The following FHOD3 variants were observed in gnomAD, a reference collection of about 807,000 sequenced individuals.
The protein encoded by FHOD3 is FH1/FH2 domain-containing protein 3.
In FHOD3, 90 loss-of-function variants were observed where a neutral mutation model predicts 173.0. The observed-to-expected ratio is 0.52, with a 90% confidence interval of 0.44 to 0.62. The LOEUF (loss-of-function observed/expected upper bound fraction) is 0.62, where lower values mean the gene tolerates loss of function less well. FHOD3 is among the 20% of genes least tolerant of loss of function. FHOD3 has a pLI of 0.00. For missense variants in FHOD3, 1,945 were observed against 2,034.7 expected (o/e 0.96, Z 0.85); for synonymous variants, 828 against 823.0 (o/e 1.01, Z -0.10).
chr18:36,494,507 G>A lies in FHOD3; in HGVS notation c.338-7425G>A, dbSNP rs368912715. 1.3e-3 allele frequency among the ~76,000 whole-genome samples: 200 copies of A among 152,294 alleles called. 1 individual carries two copies. The highest frequency in any genetic ancestry group is 4.6e-3 in the African/African-American group (191 of 41,562). On this transcript the variant is annotated intron_variant, in intron 3 of 28. Transcript: ENST00000590592. The stretch of plus-strand genomic sequence containing the variant: ...TGCTACCCAAATGAGTATACCCCAG[G>A]CAGATTTAATTTGGAAGCGGTGGGA...
intron 27 of FHOD3, among the ~76,000 whole-genome samples, chr18:36,762,268 T>C (rs1482266642): frequency 1.3e-5 from 2 of 152,206 alleles, no homozygotes; most frequent in East Asian, 3.8e-4. Flanking sequence ...ATGTGGCTGA[T>C]TGTAGTTTCC....
At chr18:36,394,480 G>A (rs1010235352) in intron 3 of FHOD3, among the ~76,000 whole-genome samples, 6 of 152,152 alleles carry the variant, frequency 3.9e-5, no homozygotes, top group African/African-American at 1.4e-4. Context: ...ACTAGATGGG[G>A]ACCACCCACC....
intron 2 of FHOD3, among the ~76,000 whole-genome samples, chr18:36,365,247 CAA>C (rs1234878101): frequency 6.6e-6 from 1 of 151,872 alleles, no homozygotes; most frequent in East Asian, 1.9e-4. Flanking sequence ...GCATAAGTGA[CAA>C]GAGAAAAAAA....
At chr18:36,601,131 C>A (rs1193471252) in intron 7 of FHOD3, among the ~76,000 whole-genome samples, 1 of 152,144 alleles carries the variant, frequency 6.6e-6, no homozygotes, top group Non-Finnish European at 1.5e-5. Context: ...GTTTGATGAT[C>A]AATATCAGCA....
At chr18:36,777,198 C>CTTTTTTTTTTTTTTTT (rs11294880) in intron 28 of FHOD3, among the ~76,000 whole-genome samples, 3 of 108,886 alleles carry the variant, frequency 2.8e-5, no homozygotes, top group Non-Finnish European at 5.5e-5. Flanking sequence ...TCTTCTTTTT[C>CTTTTTTTTTTTTTTTT]TTTTTTTTTT....
chr18:36,419,046 TCTAAAAAG>T (rs2049839770), intron 3 of FHOD3, among the ~76,000 whole-genome samples: 1 of 152,084 alleles, frequency 6.6e-6, no homozygotes, highest in Non-Finnish European at 1.5e-5. Flanking sequence ...CGTGTATGGT[TCTAAAAAG>T]AACTTACAAG....
chr18:36,659,074 T>G (rs2036608769), intron 14 of FHOD3, among the ~76,000 whole-genome samples: 1 of 152,150 alleles, frequency 6.6e-6, no homozygotes. Context: ...AATCCCAAAT[T>G]TAAAGCAACC....
At chr18:36,360,852 C>G (rs893657435) in intron 2 of FHOD3, among the ~76,000 whole-genome samples, 1 of 152,142 alleles carries the variant, frequency 6.6e-6, no homozygotes. Context: ...TGATATAATA[C>G]AAAAATTAAC....
In FHOD3 at chr18:36,573,782, G is replaced by A. The variant is rs1599713487; in HGVS notation, c.512-2669G>A. 3.9e-5 allele frequency among the ~76,000 whole-genome samples: 6 copies of A among 152,300 alleles called. No homozygotes were observed. In the East Asian group the frequency reaches 9.6e-4, roughly 24 times the overall value. ...TACGCTGAGTTCTAGGACCATGACA[G>A]GTATTTGTGTTTTAGTTATTATTTT... On this transcript the variant is annotated intron_variant, in intron 5 of 28. Transcript: ENST00000590592.
At chr18:36,423,643 C>T (rs1490666060) in intron 3 of FHOD3, among the ~76,000 whole-genome samples, 1 of 152,016 alleles carries the variant, frequency 6.6e-6, no homozygotes, top group Non-Finnish European at 1.5e-5. Flanking sequence ...AGCATAGTGT[C>T]GAAGCACCAT....
intron 3 of FHOD3, among the ~76,000 whole-genome samples, chr18:36,493,269 C>CA (rs2054564205): frequency 6.9e-6 from 1 of 145,588 alleles, no homozygotes; most frequent in African/African-American, 2.6e-5. Context: ...CAACAAGCTT[C>CA]AAAATCACAG....
intron 3 of FHOD3, among the ~76,000 whole-genome samples, chr18:36,431,655 T>C (rs987807909): frequency 6.6e-6 from 1 of 152,184 alleles, no homozygotes; most frequent in African/African-American, 2.4e-5. Context: ...ACTTGGACAA[T>C]GTACATTTTG....
At chr18:36,370,815 G>T (rs554327639) in intron 2 of FHOD3, among the ~76,000 whole-genome samples, 39 of 152,306 alleles carry the variant, frequency 2.6e-4, no homozygotes, top group African/African-American at 9.4e-4. Flanking sequence ...CTGGCCCCTG[G>T]CAGGGGTTCA....
At chr18:36,353,034 G>A (rs1386056933) in intron 1 of FHOD3, among the ~76,000 whole-genome samples, 1 of 152,192 alleles carries the variant, frequency 6.6e-6, no homozygotes, top group African/African-American at 2.4e-5. Flanking sequence ...CTTCCTGCCT[G>A]CTGCTTCCAT....
chr18:36,560,803 G>A (rs1338586836), intron 5 of FHOD3, among the ~76,000 whole-genome samples: 1 of 144,234 alleles, frequency 6.9e-6, no homozygotes, highest in Admixed American at 6.9e-5. Context: ...CTATAGCTTT[G>A]TGTGTGTGTG....
At chr18:36,676,908 T>G (rs1301882367) in intron 14 of FHOD3, among the ~76,000 whole-genome samples, 1 of 152,214 alleles carries the variant, frequency 6.6e-6, no homozygotes, top group African/African-American at 2.4e-5. Flanking sequence ...ACTAATCCTT[T>G]GTAGTTTATA....
At chr18:36,590,129 C>T (rs540623855) in intron 6 of FHOD3, among the ~76,000 whole-genome samples, 99 of 152,268 alleles carry the variant, frequency 6.5e-4, no homozygotes, top group Non-Finnish European at 1.1e-3. Flanking sequence ...TTATCCTCCC[C>T]GATTTGCCTC....
At chr18:36,768,523 C>T (rs527304582) in intron 27 of FHOD3, among the ~76,000 whole-genome samples, 32 of 152,226 alleles carry the variant, frequency 2.1e-4, no homozygotes, top group Middle Eastern at 3.4e-3. Context: ...GAACAAATCC[C>T]TCTGTATACT....
At chr18:36,372,645 C>T in intron 2 of FHOD3, 35 bp from the exon 3 acceptor site, 4 of 1,604,424 alleles carry the variant, frequency 2.5e-6, no homozygotes, top group Non-Finnish European at 2.6e-6. Context: ...CTGCTGACTC[C>T]TCTGATGCCC....
Sources: gnomAD v4.1 joint callset for allele counts (sites outside exome capture counted in the v4.1 genomes callset) on GRCh38, gnomAD v4.1.1 for gene constraint, MANE v1.5 for transcripts, NCBI Gene and HGNC (gene_info 2026-07-23, HGNC 2026-07-21) for gene names.